NDE1: variants seen among roughly 807,000 people sequenced by gnomAD.
NDE1 encodes the protein nudE neurodevelopment protein 1.
In NDE1, 28 loss-of-function variants were observed where a neutral mutation model predicts 43.4. The observed-to-expected ratio is 0.65, with a 90% CI of 0.48 to 0.89. The LOEUF is 0.89. NDE1 is among the 40% of genes least tolerant of loss of function. NDE1 has a pLI of 0.00. For missense variants in NDE1, 441 were observed against 434.1 expected (o/e 1.02, Z -0.14); for synonymous variants, 184 against 172.0 (o/e 1.07, Z -0.55).
At chr16:15,650,663 G>T (rs925478992) in intron 1 of NDE1, among the ~76,000 whole-genome samples, 3 of 152,092 alleles carry the variant, frequency 2.0e-5, no homozygotes, top group African/African-American at 7.2e-5. Context: ...AGCCTTGCCG[G>T]TCCCCAAACC....
At chr16:15,649,074 T>A (rs2036391266), upstream of NDE1, among the ~76,000 whole-genome samples, 1 of 151,908 alleles carries the variant, frequency 6.6e-6, no homozygotes, top group South Asian at 2.1e-4. Flanking sequence ...TGCGGGCCTG[T>A]GATCCCAGCT....
chr16:15,660,568 A>G (rs1245270844), intron 1 of NDE1, among the ~76,000 whole-genome samples: 4 of 152,110 alleles, frequency 2.6e-5, no homozygotes, highest in Non-Finnish European at 2.9e-5. Context: ...GCTGTTGGCT[A>G]ATTTATTTCA....
chr16:15,658,268 G>T (rs888947262), intron 1 of NDE1, among the ~76,000 whole-genome samples: 4 of 152,252 alleles, frequency 2.6e-5, no homozygotes, highest in Non-Finnish European at 4.4e-5. Context: ...TATGCAAAAG[G>T]TCTGGACCTG....
At chr16:15,670,763 G>A (rs2037554386) in intron 3 of NDE1, among the ~76,000 whole-genome samples, 1 of 152,124 alleles carries the variant, frequency 6.6e-6, no homozygotes, top group South Asian at 2.1e-4. Context: ...TGCTTGGGGA[G>A]ATGGGGCTGA....
intron 2 of NDE1, among the ~76,000 whole-genome samples, chr16:15,665,645 A>G (rs947570284): frequency 1.3e-5 from 2 of 151,444 alleles, no homozygotes; most frequent in East Asian, 1.9e-4. Flanking sequence ...GGGTTTTGCC[A>G]TGCTGGTCAG....
At chr16:15,654,573 C>T (rs1447663358) in intron 1 of NDE1, among the ~76,000 whole-genome samples, 2 of 136,596 alleles carry the variant, frequency 1.5e-5, no homozygotes, top group Non-Finnish European at 3.1e-5. Flanking sequence ...TGCACTCCAG[C>T]CTGGGCAACA....
rs886051754 is a variant in NDE1 at position 15,725,914 on chromosome 16, C to T, written c.*1663C>T. 1 of 381,404 alleles carries T rather than the reference C, an allele frequency of 2.6e-6. No homozygotes were observed. The highest frequency in any genetic ancestry group is 4.6e-6 in the Non-Finnish European group (1 of 215,850). The allele number at this position is 381,404 out of a possible 1,614,324, so 23.6% of individuals were successfully genotyped here. On this transcript the variant is annotated 3_prime_UTR_variant, in exon 9 of 9. Coordinates refer to ENST00000396354, the MANE Select transcript of NDE1 (RefSeq NM_017668.3). The stretch of plus-strand genomic sequence containing the variant: ...TAATAGGTTCTCAAAAGCCCTACAT[C>T]ATCTGGGTACAAGCTCCCCCTCCAA...
chr16:15,667,501 C>T, intron 3 of NDE1, 62 bp downstream of exon 3: 5 of 1,595,230 alleles, frequency 3.1e-6, no homozygotes, highest in Middle Eastern at 2.1e-4. Context: ...GCATGGCATG[C>T]TTGGCTGGAA....
rs1264656948 is a variant in NDE1, at chr16:15,714,919, T to C, written c.948-9272T>C. ...CCACGGGCTCCTCACCTGAGCTTGC[T>C]CTTGAGTGCGTTCACCTCGCGGCCC... On this transcript the variant is annotated intron_variant, in intron 8 of 8. Coordinates refer to ENST00000396354, the MANE Select transcript of NDE1 (RefSeq NM_017668.3). 2 of 1,613,960 alleles carry C rather than the reference T, an allele frequency of 1.2e-6. No homozygotes were observed. The highest frequency in any genetic ancestry group is 1.7e-6 in the Non-Finnish European group (2 of 1,180,018).
intron 3 of NDE1, among the ~76,000 whole-genome samples, chr16:15,672,337 CAGG>C (rs2037638945): frequency 6.6e-6 from 1 of 152,050 alleles, no homozygotes; most frequent in Admixed American, 6.6e-5. Flanking sequence ...GGGGCTGAGG[CAGG>C]AGAATTGCTT....
chr16:15,718,546 G>A, intron 8 of NDE1: 1 of 1,432,482 alleles, frequency 7.0e-7, no homozygotes. Flanking sequence ...TCTAATGGGT[G>A]AAACTGAGGC....
chr16:15,653,961 C>T (rs1319170816), intron 1 of NDE1, among the ~76,000 whole-genome samples: 1 of 151,982 alleles, frequency 6.6e-6, no homozygotes, highest in Non-Finnish European at 1.5e-5. Context: ...TATCTGCTGA[C>T]CTCAGGTGAT....
intron 8 of NDE1, among the ~76,000 whole-genome samples, chr16:15,697,267 T>A (rs777666117): frequency 6.6e-6 from 1 of 152,172 alleles, no homozygotes; most frequent in South Asian, 2.1e-4. Flanking sequence ...GGTCTCAAAC[T>A]CTGAGCTTCA....
chr16:15,719,453 G>T, intron 8 of NDE1: 1 of 1,493,708 alleles, frequency 6.7e-7, no homozygotes. Flanking sequence ...GAGGAGGGAA[G>T]CGTGTGTCTT....
chr16:15,662,492 A>G (rs1256618636), intron 1 of NDE1, among the ~76,000 whole-genome samples: 1 of 151,014 alleles, frequency 6.6e-6, no homozygotes, highest in Admixed American at 6.6e-5. Flanking sequence ...ACCGTGTTAG[A>G]CAGGATGGTC....
chr16:15,667,696 A>G (rs2037387610), intron 3 of NDE1, among the ~76,000 whole-genome samples: 4 of 137,558 alleles, frequency 2.9e-5, no homozygotes. Context: ...CAGTGGCGCG[A>G]TCTTGGCTCA....
At chr16:15,693,827 C>A (rs2038875269) in intron 6 of NDE1, among the ~76,000 whole-genome samples, 1 of 152,168 alleles carries the variant, frequency 6.6e-6, no homozygotes, top group African/African-American at 2.4e-5. Context: ...ATAATCCCAG[C>A]TACTCAAGAG....
chr16:15,701,200 G>C (rs111313600), intron 8 of NDE1: 11,235 of 149,240 alleles, frequency 0.075, 1,045 homozygotes, highest in African/African-American at 0.22. Flanking sequence ...TTGCGCTACT[G>C]TACTCCAGCC....
intron 8 of NDE1, chr16:15,714,516 A>G (rs1474668784): frequency 2.9e-6 from 1 of 341,210 alleles, no homozygotes; most frequent in Non-Finnish European, 5.6e-6. Context: ...GGGAGAAAGG[A>G]GGAGCAGAGC....
Sources: allele counts gnomAD v4.1 joint callset (sites outside exome capture counted in the v4.1 genomes callset), GRCh38; gene constraint gnomAD v4.1.1; transcripts MANE v1.5; gene names NCBI Gene and HGNC (gene_info 2026-07-23, HGNC 2026-07-21).